The following IKZF1 variants were observed in gnomAD, a reference collection of about 807,000 sequenced individuals.
IKZF1 encodes the protein IKAROS family zinc finger 1.
IKZF1 carries 10 observed loss-of-function variants against 51.7 expected under a neutral mutation model. The observed-to-expected ratio is 0.19, with a 90% CI of 0.12 to 0.33. The LOEUF (loss-of-function observed/expected upper bound fraction) is 0.33. Ranked by LOEUF, IKZF1 falls within the 10% of genes least tolerant of loss-of-function variation. IKZF1 has a pLI of 1.00. For synonymous variants in IKZF1, 280 were observed against 282.3 expected, an observed-to-expected ratio of 0.99 and a Z score of 0.08; for missense variants, 484 against 707.5, an observed-to-expected ratio of 0.68 and a Z score of 3.58.
At position 50,404,662 on chromosome 7, in the gene IKZF1, T is replaced by G. The variant is rs1818705978; in HGVS notation, c.*4035T>G. ...CTACAACAGTGCTGGACGTGGGAAT[T>G]CTAAGTCCCAGTCTTGAGGGTGGGT... On this transcript the variant is annotated 3_prime_UTR_variant, in exon 8 of 8. Transcript: ENST00000331340. 2 of 230,974 alleles carry G rather than the reference T, an allele frequency of 8.7e-6. No individual in the cohort carries two copies. The allele number at this position is 230,974 out of a possible 1,614,324, so 14.3% of individuals were successfully genotyped here.
At chr7:50,304,231 G>A (rs1788226634), upstream of IKZF1, 1 of 150,436 alleles carries the variant, frequency 6.6e-6, no homozygotes, top group Non-Finnish European at 1.5e-5. Context: ...TGAGACGCGC[G>A]CCGCGCGAGC....
intron 2 of IKZF1, 103 bp downstream of exon 2, chr7:50,319,204 A>G: frequency 3.6e-6 from 3 of 842,646 alleles, no homozygotes; most frequent in South Asian, 3.2e-5. Flanking sequence ...AATAGGGGCT[A>G]TTCTGCAAAA....
At chr7:50,319,173 T>G in intron 2 of IKZF1, 72 bp downstream of exon 2, 1 of 1,294,684 alleles carries the variant, frequency 7.7e-7, no homozygotes, top group Non-Finnish European at 1.1e-6. Flanking sequence ...GTCACAGTGC[T>G]TGGTATGCTC....
chr7:50,316,899 G>A (rs1321971387), intron 1 of IKZF1, among the ~76,000 whole-genome samples: 2 of 152,144 alleles, frequency 1.3e-5, no homozygotes, highest in East Asian at 1.9e-4. Context: ...CAACAGTAGG[G>A]CATTTGTTAT....
intron 1 of IKZF1, among the ~76,000 whole-genome samples, chr7:50,310,761 A>C (rs1347144054): frequency 1.3e-5 from 2 of 152,216 alleles, no homozygotes; most frequent in Admixed American, 1.3e-4. Context: ...CTAAAACACC[A>C]AGTTAGATTC....
intron 3 of IKZF1, among the ~76,000 whole-genome samples, chr7:50,342,007 G>T (rs1799181217): frequency 6.6e-6 from 1 of 151,708 alleles, no homozygotes; most frequent in Non-Finnish European, 1.5e-5. Flanking sequence ...ATTAACCCTT[G>T]TTGAATGTTA....
chr7:50,382,380 G>A (rs1348075374), intron 4 of IKZF1, among the ~76,000 whole-genome samples, 160 bp from the exon 5 acceptor site: 3 of 152,196 alleles, frequency 2.0e-5, no homozygotes, highest in Non-Finnish European at 2.9e-5. Flanking sequence ...CCAGTGAAGC[G>A]TTAAGGAGCT....
At chr7:50,325,030 G>A (rs10230193) in intron 2 of IKZF1, among the ~76,000 whole-genome samples, 59,231 of 151,616 alleles carry the variant, frequency 0.39, 12,275 homozygotes, top group East Asian at 0.53. Context: ...ATCATGAGAC[G>A]CGTGCACACC....
At position 50,333,469 on chromosome 7, in the gene IKZF1, C is replaced by T. The variant is rs921980954; in HGVS notation, c.160+5712C>T. Among the ~76,000 whole-genome samples, 23 of 152,248 alleles carry T rather than the reference C, an allele frequency of 1.5e-4. No homozygotes were observed. In the East Asian group the frequency reaches 3.9e-3, roughly 26 times the overall value. ...GGCAGCAGGCTTTTGAGCACGGATG[C>T]GGAGCCTGCTTATCTAATCAGCAGC... is the stretch of plus-strand genomic sequence containing the variant. On this transcript the variant is annotated intron_variant, in intron 3 of 7. Coordinates refer to ENST00000331340, the MANE Select transcript of IKZF1 (RefSeq NM_006060.6).
In IKZF1 at chr7:50,401,753, A is replaced by G. The variant is rs915947649; in HGVS notation, c.*1126A>G. The G allele has an allele frequency of 4.6e-6, 1 of 218,774 alleles. No homozygotes were observed. The highest frequency in any genetic ancestry group is 2.2e-5 in the African/African-American group (1 of 44,500). 13.6% of individuals were successfully genotyped at this position (218,774 alleles called of 1,614,324 possible). A position where few individuals can be genotyped will look rare whatever the true frequency, so the allele number is the denominator to read the frequency against. On this transcript the variant is annotated 3_prime_UTR_variant, in exon 8 of 8. Transcript: ENST00000331340. Reference sequence around the variant, plus strand: ...ATATATTATTCTCGTTTTAAAACCCATAAAGGAGTGATTTAGAACAGTCAT... The same window carrying G: ...ATATATTATTCTCGTTTTAAAACCCGTAAAGGAGTGATTTAGAACAGTCAT...
chr7:50,385,055 A>G (rs1240497044), intron 5 of IKZF1, among the ~76,000 whole-genome samples: 6 of 152,158 alleles, frequency 3.9e-5, no homozygotes, highest in Admixed American at 6.5e-5. Flanking sequence ...ATGGTTTCCT[A>G]TTCTAAGTAC....
intron 3 of IKZF1, among the ~76,000 whole-genome samples, chr7:50,363,767 A>G (rs1805969931): frequency 6.6e-6 from 1 of 152,176 alleles, no homozygotes; most frequent in Non-Finnish European, 1.5e-5. Flanking sequence ...ACTTGGTAGC[A>G]CTTCAGGATC....
chr7:50,315,417 C>G (rs185479935), intron 1 of IKZF1, among the ~76,000 whole-genome samples: 5 of 152,234 alleles, frequency 3.3e-5, no homozygotes, highest in African/African-American at 9.6e-5. Flanking sequence ...CTCCACTCCC[C>G]GCTCCTAGAG....
intron 1 of IKZF1, among the ~76,000 whole-genome samples, chr7:50,317,584 A>G (rs1199374443): frequency 6.6e-6 from 1 of 152,138 alleles, no homozygotes; most frequent in Non-Finnish European, 1.5e-5. Context: ...CTTTTTCTGT[A>G]CAGTGGCCAC....
chr7:50,311,035 T>C (rs372140297), intron 1 of IKZF1, among the ~76,000 whole-genome samples: 4 of 152,222 alleles, frequency 2.6e-5, no homozygotes, highest in Non-Finnish European at 4.4e-5. Context: ...TAATTTCTTA[T>C]AGTTATTATG....
At chr7:50,340,447 T>C (rs1798823892) in intron 3 of IKZF1, among the ~76,000 whole-genome samples, 1 of 152,222 alleles carries the variant, frequency 6.6e-6, no homozygotes, top group South Asian at 2.1e-4. Context: ...GTGTGATCGA[T>C]GGAAGGCCTT....
At chr7:50,310,595 A>G (rs1789930054) in intron 1 of IKZF1, among the ~76,000 whole-genome samples, 1 of 152,170 alleles carries the variant, frequency 6.6e-6, no homozygotes, top group African/African-American at 2.4e-5. Context: ...GTGGGGCCTG[A>G]TACCCACGTT....
chr7:50,367,307 A>G (rs1468835630), intron 3 of IKZF1, among the ~76,000 whole-genome samples: 1 of 152,062 alleles, frequency 6.6e-6, no homozygotes, highest in African/African-American at 2.4e-5. Context: ...CTTGGGGGAA[A>G]GATTGTGCGT....
intron 3 of IKZF1, among the ~76,000 whole-genome samples, chr7:50,374,287 G>T (rs1427258007): frequency 1.3e-5 from 2 of 152,316 alleles, no homozygotes; most frequent in Non-Finnish European, 2.9e-5. Context: ...ATAGAAGGCA[G>T]ATTTTTCGTA....
Sources: allele counts gnomAD v4.1 joint callset (sites outside exome capture counted in the v4.1 genomes callset), GRCh38; gene constraint gnomAD v4.1.1; transcripts MANE v1.5; gene names NCBI Gene and HGNC (gene_info 2026-07-23, HGNC 2026-07-21).